The following ZFP82 variants were observed in gnomAD, a reference collection of about 807,000 sequenced individuals.
ZFP82 encodes zinc finger protein 82 homolog.
A neutral mutation model predicts 54.0 loss-of-function variants in ZFP82; 30 were observed. That is an observed-to-expected ratio of 0.56 (90% confidence interval 0.42 to 0.75). The LOEUF (loss-of-function observed/expected upper bound fraction) is 0.75, where lower values mean the gene tolerates loss of function less well. Among genes scored for constraint, ZFP82 ranks in the 30% least tolerant of loss-of-function variants. ZFP82 has a pLI of 0.00. For synonymous variants in ZFP82, 194 were observed against 209.5 expected, an observed-to-expected ratio of 0.93 and a Z score of 0.64; for missense variants, 500 against 636.8, an observed-to-expected ratio of 0.79 and a Z score of 2.31.
rs1238177250 is a variant in ZFP82 at position 36,409,784 on chromosome 19, G to A, written c.6C>T (p.Ala2=). The part of the protein sequence containing the change: M[A]LRSVMFSDVS... Reference sequence around the variant, plus strand: ...CTAGGAGGAGAAAAAAACTTACAAGGGCCATGGTATAGAAATTCAAGAACT... The same window carrying A: ...CTAGGAGGAGAAAAAAACTTACAAGAGCCATGGTATAGAAATTCAAGAACT... Residue 2 remains alanine (A), a synonymous_variant, in exon 2 of 5, where the codon GCC becomes GCT. Transcript: ENST00000392161. The A allele has an allele frequency of 6.2e-7, 1 of 1,613,618 alleles. No homozygotes were observed. The highest frequency in any genetic ancestry group is 8.5e-7 in the Non-Finnish European group (1 of 1,179,864).
rs1230167108 is a variant in ZFP82, at chr19:36,390,129, GC to G, written c.*2611del. Among the ~76,000 whole-genome samples the G allele has an allele frequency of 1.3e-5, 2 of 152,088 alleles. No homozygotes were observed. The highest frequency in any genetic ancestry group is 2.9e-5 in the Non-Finnish European group (2 of 68,028). ...GGTGCTTCTTTACGTGACCCTGCAT[GC>G]CATGCCATGCCTCCCGTTTGTGGGA... On this transcript the variant is annotated 3_prime_UTR_variant, in exon 5 of 5. Coordinates refer to ENST00000392161, the MANE Select transcript of ZFP82 (RefSeq NM_133466.4).
chr19:36,393,939 T>A lies in ZFP82; in HGVS notation c.401A>T (p.Gln134Leu). ...TTTCACACTACTGAAGTATCCTTCT[T>A]GAGGTCTCTCCTGTCCTTCAATTTT... ...TGKIEGQERP[Q>L]EGYFSSVKMP... The change falls in exon 5 of 5, where the codon CAA (glutamine) becomes CTA (leucine). Residue 134 changes from glutamine to leucine, a missense_variant. By Grantham distance (113) the Gln-to-Leu change is moderately radical (BLOSUM62 -2). Transcript: ENST00000392161. 6.2e-7 allele frequency: 1 copy of A among 1,614,206 alleles called. No individual in the cohort carries two copies. The highest frequency in any genetic ancestry group is 8.5e-7 in the Non-Finnish European group (1 of 1,180,026).
chr19:36,409,725 A>C, intron 2 of ZFP82, 56 bp downstream of exon 2: 3 of 1,597,366 alleles, frequency 1.9e-6, no homozygotes, highest in South Asian at 2.2e-5. Flanking sequence ...TCAGAATAAA[A>C]AAATGGTCAC....
chr19:36,408,237 G>A (rs1197385042), intron 2 of ZFP82, among the ~76,000 whole-genome samples: 2 of 151,882 alleles, frequency 1.3e-5, no homozygotes, highest in East Asian at 3.9e-4. Context: ...CTTATACTCT[G>A]GCAAATCTTA....
chr19:36,414,867 G>A (rs544428394), intron 1 of ZFP82, among the ~76,000 whole-genome samples: 1 of 150,822 alleles, frequency 6.6e-6, no homozygotes, highest in African/African-American at 2.5e-5. Context: ...TGTTGCCCGG[G>A]CTGGAATGCA....
At position 36,405,667 on chromosome 19, in the gene ZFP82, A is replaced by G; in HGVS notation, c.142T>C (p.Phe48Leu). Residue 48 changes from phenylalanine to leucine, a missense_variant, in exon 4 of 5, where the codon TTC becomes CTC. Transcript: ENST00000392161. ...NYSNLVSLGC[F>L]ISKPDVISSL... The stretch of plus-strand genomic sequence containing the variant: ...GAAATCACATCTGGTTTAGAAATGA[A>G]GCATCCTGCTTAGAAGAAAAGGAAT... 6.2e-7 allele frequency: 1 copy of G among 1,601,318 alleles called. No homozygotes were observed. The highest frequency in any genetic ancestry group is 1.1e-5 in the South Asian group (1 of 89,438).
chr19:36,403,899 T>A lies in ZFP82; in HGVS notation c.229+1681A>T, dbSNP rs148504285. On this transcript the variant is annotated intron_variant, in intron 4 of 4. Transcript: ENST00000392161. ...ATCAAGCATATCATTTTTGTAGTCT[T>A]TTATTTCCCTTTAATAATTTATGAG... 5.6e-3 allele frequency among the ~76,000 whole-genome samples: 851 copies of A among 152,300 alleles called. 8 individuals carry two copies. The highest frequency in any genetic ancestry group is 0.016 in the African/African-American group (657 of 41,564).
intron 3 of ZFP82, among the ~76,000 whole-genome samples, chr19:36,407,076 T>C (rs1194187196): frequency 5.3e-5 from 1 of 18,718 alleles, no homozygotes. Context: ...TTAATTTTCT[T>C]TTTTTTTTTT....
rs1195987758 is a variant in ZFP82 at position 36,389,930 on chromosome 19, C to A, written c.*2811G>T. Among the ~76,000 whole-genome samples the A allele has an allele frequency of 6.6e-6, 1 of 152,192 alleles. No individual in the cohort carries two copies. The highest frequency in any genetic ancestry group is 2.4e-5 in the African/African-American group (1 of 41,436). ...CCAATTCAATATTCCCCTGCCCTAA[C>A]TAGACAATTACGAATCCCCCCTAGA... is the stretch of plus-strand genomic sequence containing the variant. On this transcript the variant is annotated 3_prime_UTR_variant, in exon 5 of 5. Transcript: ENST00000392161.
intron 1 of ZFP82, among the ~76,000 whole-genome samples, chr19:36,412,257 A>C (rs1294470453): frequency 6.6e-6 from 1 of 152,250 alleles, no homozygotes; most frequent in Non-Finnish European, 1.5e-5. Context: ...GACAGGCATC[A>C]ATAGATATTG....
rs1260429432 is a variant in ZFP82 at position 36,389,160 on chromosome 19, C to G, written c.*3581G>C. Among the ~76,000 whole-genome samples the G allele has an allele frequency of 6.6e-6, 1 of 151,864 alleles. No individual in the cohort carries two copies. The highest frequency in any genetic ancestry group is 1.5e-5 in the Non-Finnish European group (1 of 67,980). ...GTTCAAGCGATTTTCCTGCCTCAGCCTCCCGAGTAGCTGGGACTACAGGCG... is the reference window on the plus strand; with the variant it reads ...GTTCAAGCGATTTTCCTGCCTCAGCGTCCCGAGTAGCTGGGACTACAGGCG... On this transcript the variant is annotated 3_prime_UTR_variant, in exon 5 of 5. Transcript: ENST00000392161.
intron 4 of ZFP82, among the ~76,000 whole-genome samples, chr19:36,401,180 C>T (rs2032378514): frequency 6.6e-6 from 1 of 151,932 alleles, no homozygotes; most frequent in South Asian, 2.1e-4. Flanking sequence ...CTCGGGCCTG[C>T]CTGCCTTCCC....
Position 36,393,983 on chromosome 19 carries a change from A to G in ZFP82, c.357T>C (p.Asn119=). The change falls in exon 5 of 5, where the codon AAT becomes AAC. Residue 119 remains asparagine (N), a synonymous_variant. Coordinates refer to ENST00000392161, the MANE Select transcript of ZFP82 (RefSeq NM_133466.4). The part of the protein sequence containing the change: ...NHGLKGLILK[N]DWESTGKIEG... ...CAATTTTTCCTGTGGATTCCCAATCATTTTTTAAAATGAGACCCTTAAGGC... is the reference window on the plus strand; with the variant it reads ...CAATTTTTCCTGTGGATTCCCAATCGTTTTTTAAAATGAGACCCTTAAGGC... The G allele has an allele frequency of 6.2e-7, 1 of 1,613,506 alleles. No homozygotes were observed. Among genetic ancestry groups the G allele is most frequent in the South Asian group, 1.1e-5 (1 of 90,908 alleles).
downstream of ZFP82, among the ~76,000 whole-genome samples, chr19:36,384,731 G>A (rs1789814563): frequency 6.6e-6 from 1 of 152,124 alleles, no homozygotes; most frequent in African/African-American, 2.4e-5. Flanking sequence ...TACCTAAGAG[G>A]AGAAACACAT....
intron 4 of ZFP82, among the ~76,000 whole-genome samples, chr19:36,399,492 T>C (rs575535524): frequency 1.3e-5 from 2 of 152,284 alleles, no homozygotes; most frequent in South Asian, 2.1e-4. Flanking sequence ...GACAAGAGGT[T>C]AGGGTATCAG....
intron 3 of ZFP82, 98 bp from the exon 4 acceptor site, chr19:36,405,770 T>A (rs548313075): frequency 2.3e-5 from 11 of 470,302 alleles, no homozygotes; most frequent in African/African-American, 2.1e-4. Context: ...AAAACAGTAA[T>A]TAATAAGGCA....
At chr19:36,400,195 A>G (rs1357804297) in intron 4 of ZFP82, among the ~76,000 whole-genome samples, 1 of 152,120 alleles carries the variant, frequency 6.6e-6, no homozygotes, top group African/African-American at 2.4e-5. Flanking sequence ...GTAAAAATAT[A>G]TAAATACAAA....
downstream of ZFP82, among the ~76,000 whole-genome samples, chr19:36,386,254 C>G (rs911751213): frequency 8.5e-5 from 13 of 152,248 alleles, no homozygotes; most frequent in Non-Finnish European, 4.4e-5. Flanking sequence ...TGTGGCTCAG[C>G]CTGCCACTGG....
intron 4 of ZFP82, chr19:36,394,331 T>TACGA: frequency 2.0e-6 from 1 of 497,312 alleles, no homozygotes. Context: ...TTTAAGTCAG[T>TACGA]GGTTCTCATA....
Sources: gnomAD v4.1 joint callset for allele counts (sites outside exome capture counted in the v4.1 genomes callset) on GRCh38, gnomAD v4.1.1 for gene constraint, MANE v1.5 for transcripts, NCBI Gene and HGNC (gene_info 2026-07-23, HGNC 2026-07-21) for gene names.